The following SHISA9 variants were observed in gnomAD, a reference collection of about 807,000 sequenced individuals.
The protein encoded by SHISA9 is protein shisa-9.
In SHISA9, 13 loss-of-function variants were observed where a neutral mutation model predicts 38.0. That is an observed-to-expected ratio of 0.34 (90% CI 0.22 to 0.54). SHISA9 has a LOEUF of 0.54. Among genes scored for constraint, SHISA9 ranks in the 20% least tolerant of loss-of-function variants. The pLI, the probability that SHISA9 is intolerant of heterozygous loss-of-function variation, is 0.91. For missense variants in SHISA9, 538 were observed against 575.8 expected (o/e 0.93, Z 0.67); for synonymous variants, 275 against 242.0 (o/e 1.14, Z -1.27).
At chr16:12,993,074 G>A (rs2072409118) in intron 2 of SHISA9, among the ~76,000 whole-genome samples, 1 of 152,178 alleles carries the variant, frequency 6.6e-6, no homozygotes, top group Non-Finnish European at 1.5e-5. Flanking sequence ...ATTTTTTGGT[G>A]TGTATTTATA....
At chr16:13,514,231 G>T in the SHISA9 span, among the ~76,000 whole-genome samples, 1 of 151,950 alleles carries the variant, frequency 6.6e-6, no homozygotes, top group African/African-American at 2.4e-5. Context: ...CTCACCTCGT[G>T]ACCTGCCCGC....
At chr16:13,107,279 CA>C (rs2073934853) in intron 2 of SHISA9, among the ~76,000 whole-genome samples, 1 of 151,690 alleles carries the variant, frequency 6.6e-6, no homozygotes, top group African/African-American at 2.4e-5. Context: ...TAAAAAAATA[CA>C]AAAAATCAGC....
the SHISA9 span, among the ~76,000 whole-genome samples, chr16:13,380,136 G>A: frequency 2.0e-5 from 3 of 151,880 alleles, no homozygotes; most frequent in Non-Finnish European, 2.9e-5. Flanking sequence ...AGTTCAAGAT[G>A]TCCAGTATTT....
chr16:13,545,798 G>A, the SHISA9 span, among the ~76,000 whole-genome samples: 20 of 152,118 alleles, frequency 1.3e-4, no homozygotes, highest in African/African-American at 4.6e-4. Context: ...CACCGGTCCC[G>A]ATCCGCTTCT....
chr16:13,509,574 T>C, the SHISA9 span, among the ~76,000 whole-genome samples: 3 of 152,254 alleles, frequency 2.0e-5, no homozygotes, highest in Non-Finnish European at 4.4e-5. Context: ...TAAGGTATCT[T>C]GAAAGTTTCT....
Position 13,090,430 on chromosome 16 carries a change from G to A in SHISA9, c.692-112964G>A, listed in dbSNP as rs551192625. ...TAAAGTCTCCCATTATTATTATGTG[G>A]GAGTCGACATCTCTTTGTAGGTCTC... On this transcript the variant is annotated intron_variant, in intron 2 of 4. Transcript: ENST00000558583. 3.3e-5 allele frequency among the ~76,000 whole-genome samples: 5 copies of A among 152,226 alleles called. No individual in the cohort carries two copies. In the South Asian group the frequency reaches 6.2e-4, roughly 19 times the overall value.
At chr16:13,487,597 A>G in the SHISA9 span, among the ~76,000 whole-genome samples, 1 of 152,138 alleles carries the variant, frequency 6.6e-6, no homozygotes, top group Non-Finnish European at 1.5e-5. Context: ...ACCAGACCCC[A>G]CCTCCAACAT....
chr16:13,128,528 T>A lies in SHISA9; in HGVS notation c.692-74866T>A, dbSNP rs567123499. On this transcript the variant is annotated intron_variant, in intron 2 of 4. Transcript: ENST00000558583. ...GTAAAGACAATAATAATACCTACCATGTAGGATTGGTAAGAGAATGATCAT... is the reference window on the plus strand; with the variant it reads ...GTAAAGACAATAATAATACCTACCAAGTAGGATTGGTAAGAGAATGATCAT... 3.3e-5 allele frequency among the ~76,000 whole-genome samples: 5 copies of A among 152,166 alleles called. No individual in the cohort carries two copies. In the East Asian group the frequency reaches 9.6e-4, roughly 29 times the overall value.
intron 2 of SHISA9, among the ~76,000 whole-genome samples, chr16:13,083,510 G>C (rs926486443): frequency 6.6e-6 from 1 of 152,204 alleles, no homozygotes; most frequent in Non-Finnish European, 1.5e-5. Flanking sequence ...AGATTGTGCA[G>C]GGCAAGGAAC....
At chr16:13,556,156 C>G in the SHISA9 span, among the ~76,000 whole-genome samples, 2 of 152,166 alleles carry the variant, frequency 1.3e-5, no homozygotes, top group Non-Finnish European at 2.9e-5. Context: ...ATTTCTCTCA[C>G]CACACACCAT....
At chr16:13,358,508 C>T in the SHISA9 span, among the ~76,000 whole-genome samples, 5 of 152,294 alleles carry the variant, frequency 3.3e-5, no homozygotes, top group Non-Finnish European at 5.9e-5. Flanking sequence ...TAAAATATTC[C>T]GTGAGGATGT....
chr16:13,175,721 A>G (rs1313843304), intron 2 of SHISA9, among the ~76,000 whole-genome samples: 1 of 152,200 alleles, frequency 6.6e-6, no homozygotes, highest in African/African-American at 2.4e-5. Context: ...TCCCTGTGGG[A>G]CACCACACAT....
intron 2 of SHISA9, among the ~76,000 whole-genome samples, chr16:13,046,127 C>T (rs962406423): frequency 6.7e-6 from 1 of 149,676 alleles, no homozygotes; most frequent in African/African-American, 2.5e-5. Flanking sequence ...CACTCCCTGC[C>T]TCTCCTTGGG....
the SHISA9 span, among the ~76,000 whole-genome samples, chr16:13,387,319 C>T: frequency 6.6e-6 from 1 of 152,020 alleles, no homozygotes; most frequent in South Asian, 2.1e-4. Flanking sequence ...GACCTGACAT[C>T]CAATATAACT....
chr16:13,155,833 A>AT (rs1473640891), intron 2 of SHISA9, among the ~76,000 whole-genome samples: 1 of 149,346 alleles, frequency 6.7e-6, no homozygotes, highest in African/African-American at 2.5e-5. Context: ...TGTTCCCTGT[A>AT]TAGTAACAAG....
chr16:13,056,006 C>A (rs1273021682), intron 2 of SHISA9, among the ~76,000 whole-genome samples: 2 of 152,186 alleles, frequency 1.3e-5, no homozygotes, highest in African/African-American at 4.8e-5. Flanking sequence ...CGCAAGTATG[C>A]ACAGTGGGTG....
At chr16:13,178,449 A>G (rs973552718) in intron 2 of SHISA9, among the ~76,000 whole-genome samples, 1 of 152,026 alleles carries the variant, frequency 6.6e-6, no homozygotes, top group South Asian at 2.1e-4. Flanking sequence ...ACGTTTTACA[A>G]GTTGCTTCTT....
intron 2 of SHISA9, among the ~76,000 whole-genome samples, chr16:13,129,750 T>C (rs1274395534): frequency 1.3e-5 from 2 of 152,170 alleles, no homozygotes; most frequent in African/African-American, 4.8e-5. Flanking sequence ...TCCCATATGT[T>C]CAGCAGGGGA....
At chr16:13,061,672 G>C (rs1001256327) in intron 2 of SHISA9, among the ~76,000 whole-genome samples, 4 of 152,164 alleles carry the variant, frequency 2.6e-5, no homozygotes, top group Non-Finnish European at 5.9e-5. Flanking sequence ...CTGCCCTCTG[G>C]AGCTTTGCAA....
Sources: allele counts gnomAD v4.1 joint callset (sites outside exome capture counted in the v4.1 genomes callset), GRCh38; gene constraint gnomAD v4.1.1; transcripts MANE v1.5; gene names NCBI Gene and HGNC (gene_info 2026-07-23, HGNC 2026-07-21).